FMN1: variants seen among roughly 807,000 people sequenced by gnomAD.
FMN1 encodes the protein formin-1.
Under a neutral mutation model 132.4 loss-of-function variants are expected in FMN1, and 110 were observed. That is an observed-to-expected ratio of 0.83 (90% confidence interval 0.71 to 0.97). FMN1 has a LOEUF of 0.97. Ranked by LOEUF, FMN1 falls within the 50% of genes least tolerant of loss-of-function variation. FMN1 has a pLI of 0.00. For synonymous variants in FMN1, 722 were observed against 651.7 expected (o/e 1.11, Z -1.64); for missense variants, 1,792 against 1,705.3 (o/e 1.05, Z -0.90).
At chr15:33,086,477 A>T (rs575465075) in intron 5 of FMN1, among the ~76,000 whole-genome samples, 2 of 152,220 alleles carry the variant, frequency 1.3e-5, no homozygotes, top group Non-Finnish European at 2.9e-5. Context: ...TAGGATTTTT[A>T]TAATTGTAAA....
At chr15:32,967,297 T>C (rs756051324) in intron 8 of FMN1, among the ~76,000 whole-genome samples, 3 of 152,170 alleles carry the variant, frequency 2.0e-5, no homozygotes, top group Non-Finnish European at 4.4e-5. Flanking sequence ...CAGTTACCTG[T>C]TGCTCATGAA....
At chr15:33,123,507 T>C (rs1027295239) in intron 4 of FMN1, among the ~76,000 whole-genome samples, 1 of 152,178 alleles carries the variant, frequency 6.6e-6, no homozygotes, top group Non-Finnish European at 1.5e-5. Context: ...GTAATAAATA[T>C]GTCCTCAAAA....
At chr15:33,040,514 ATGAT>A (rs1415371042) in intron 6 of FMN1, among the ~76,000 whole-genome samples, 4 of 152,182 alleles carry the variant, frequency 2.6e-5, no homozygotes, top group Non-Finnish European at 2.9e-5. Context: ...TGCTACATAA[ATGAT>A]TATTATTTAT....
chr15:32,948,754 CAA>C (rs1235539476), intron 9 of FMN1, among the ~76,000 whole-genome samples: 1 of 151,876 alleles, frequency 6.6e-6, no homozygotes, highest in Non-Finnish European at 1.5e-5. Context: ...CTCAATCTTG[CAA>C]AAAGTTTTTG....
intron 4 of FMN1, among the ~76,000 whole-genome samples, chr15:33,119,524 G>A (rs1962351614): frequency 1.3e-5 from 2 of 152,102 alleles, no homozygotes; most frequent in Admixed American, 1.3e-4. Context: ...ACGCTCAGTG[G>A]GCCAGACAGG....
chr15:32,900,959 G>C (rs767566338), intron 13 of FMN1, among the ~76,000 whole-genome samples: 5 of 152,060 alleles, frequency 3.3e-5, no homozygotes, highest in Non-Finnish European at 7.4e-5. Context: ...TTCAAGACCA[G>C]CCTGGCCAAC....
intron 6 of FMN1, among the ~76,000 whole-genome samples, chr15:33,040,054 A>G (rs952202502): frequency 1.5e-4 from 23 of 152,116 alleles, no homozygotes; most frequent in Admixed American, 1.4e-3. Context: ...CTCCCTCCCC[A>G]TGGAAGACGT....
intron 17 of FMN1, among the ~76,000 whole-genome samples, chr15:32,807,554 T>C (rs758348315): frequency 3.3e-5 from 5 of 152,240 alleles, no homozygotes; most frequent in Non-Finnish European, 7.3e-5. Context: ...AGCTCTGCTC[T>C]CTCAGCAGAT....
chr15:32,954,291 A>G (rs866890364), intron 9 of FMN1, among the ~76,000 whole-genome samples: 1 of 152,218 alleles, frequency 6.6e-6, no homozygotes, highest in Non-Finnish European at 1.5e-5. Flanking sequence ...TATGGCTCAT[A>G]CAATATGCTA....
chr15:32,862,485 T>C (rs1013346351), intron 16 of FMN1, among the ~76,000 whole-genome samples: 3 of 152,352 alleles, frequency 2.0e-5, no homozygotes, highest in African/African-American at 7.2e-5. Context: ...ATATTTTCAC[T>C]TACAGGTTAA....
chr15:33,134,320 A>G (rs1595549176), intron 4 of FMN1, among the ~76,000 whole-genome samples: 1 of 152,204 alleles, frequency 6.6e-6, no homozygotes. Context: ...TGTGGCAAGG[A>G]TGCCACTGGA....
At chr15:32,852,155 G>A (rs1395429347) in intron 17 of FMN1, among the ~76,000 whole-genome samples, 1 of 152,008 alleles carries the variant, frequency 6.6e-6, no homozygotes, top group Non-Finnish European at 1.5e-5. Flanking sequence ...ATCTCTACCT[G>A]CGCGTCTCAC....
intron 19 of FMN1, among the ~76,000 whole-genome samples, chr15:32,794,291 A>T (rs2057200175): frequency 6.6e-6 from 1 of 152,222 alleles, no homozygotes; most frequent in Non-Finnish European, 1.5e-5. Context: ...CATAAAATTC[A>T]CCAAACTTCT....
intron 7 of FMN1, among the ~76,000 whole-genome samples, chr15:32,980,121 A>C (rs1273227775): frequency 6.6e-6 from 1 of 152,154 alleles, no homozygotes; most frequent in Admixed American, 6.5e-5. Flanking sequence ...GCCTCCTCTA[A>C]AAGAAGCTAG....
intron 5 of FMN1, among the ~76,000 whole-genome samples, chr15:33,075,283 C>T (rs975495250): frequency 6.6e-6 from 1 of 152,134 alleles, no homozygotes; most frequent in Non-Finnish European, 1.5e-5. Context: ...TCCTTAGGGA[C>T]ACCAACCATC....
intron 17 of FMN1, among the ~76,000 whole-genome samples, chr15:32,835,657 T>C (rs1018225802): frequency 6.6e-6 from 1 of 152,186 alleles, no homozygotes; most frequent in African/African-American, 2.4e-5. Flanking sequence ...TCAATCCTCC[T>C]GAGTTGACAA....
chr15:32,922,834 T>G (rs140925505), intron 10 of FMN1, among the ~76,000 whole-genome samples: 80 of 152,340 alleles, frequency 5.3e-4, no homozygotes, highest in African/African-American at 1.9e-3. Flanking sequence ...TCTCTAAACC[T>G]GTTTATGCCT....
chr15:32,838,232 C>T (rs774757365), intron 17 of FMN1, among the ~76,000 whole-genome samples: 5 of 151,360 alleles, frequency 3.3e-5, no homozygotes, highest in Non-Finnish European at 5.9e-5. Context: ...AGAAGGCAGA[C>T]GCTCAAACCG....
At chr15:33,037,538 C>G (rs1042987221) in intron 6 of FMN1, among the ~76,000 whole-genome samples, 2 of 152,148 alleles carry the variant, frequency 1.3e-5, no homozygotes, top group African/African-American at 4.8e-5. Context: ...TAACCTTAGG[C>G]TCTGGTTATA....
Sources: allele counts gnomAD v4.1 joint callset (sites outside exome capture counted in the v4.1 genomes callset), GRCh38; gene constraint gnomAD v4.1.1; transcripts MANE v1.5; gene names NCBI Gene and HGNC (gene_info 2026-07-23, HGNC 2026-07-21).